The following SYNPO2 variants were observed in gnomAD, a reference collection of about 807,000 sequenced individuals.
The protein encoded by SYNPO2 is synaptopodin 2.
Under a neutral mutation model 85.0 loss-of-function variants are expected in SYNPO2, and 56 were observed. The observed-to-expected ratio is 0.66, with a 90% CI of 0.53 to 0.82. The LOEUF is 0.82. Ranked by LOEUF, SYNPO2 falls within the 40% of genes least tolerant of loss-of-function variation. The probability of loss-of-function intolerance (pLI) is 0.00; values close to 1 mark genes in which losing one functional copy is unlikely to be tolerated. For synonymous variants in SYNPO2, 602 were observed against 591.1 expected (o/e 1.02, Z -0.27); for missense variants, 1,575 against 1,534.2 (o/e 1.03, Z -0.44).
At chr4:118,986,483 G>A (rs930942292) in intron 1 of SYNPO2, among the ~76,000 whole-genome samples, 1 of 152,178 alleles carries the variant, frequency 6.6e-6, no homozygotes, top group Admixed American at 6.5e-5. Flanking sequence ...CAAATTTCAT[G>A]TGGTTTTCAA....
intron 1 of SYNPO2, among the ~76,000 whole-genome samples, chr4:118,941,616 A>G (rs1451527084): frequency 6.6e-6 from 1 of 152,168 alleles, no homozygotes; most frequent in Non-Finnish European, 1.5e-5. Context: ...ATCCTTCCTC[A>G]GGGAAGCTTT....
At chr4:118,913,603 G>C (rs2555520) in intron 1 of SYNPO2, among the ~76,000 whole-genome samples, 3 of 150,328 alleles carry the variant, frequency 2.0e-5, no homozygotes, top group Non-Finnish European at 4.4e-5. Context: ...GTGTGCAGCA[G>C]AAAAACTCAT....
chr4:118,960,157 G>A (rs909000528), intron 1 of SYNPO2, among the ~76,000 whole-genome samples: 1 of 152,086 alleles, frequency 6.6e-6, no homozygotes, highest in African/African-American at 2.4e-5. Flanking sequence ...AGAGGGATGC[G>A]GCCCTGCTGA....
intron 1 of SYNPO2, among the ~76,000 whole-genome samples, chr4:118,979,518 A>G (rs1735926719): frequency 6.6e-6 from 1 of 152,180 alleles, no homozygotes; most frequent in Non-Finnish European, 1.5e-5. Context: ...TACACATGCA[A>G]CTTTTTACTA....
At chr4:118,895,997 TCA>T (rs1186478539) in intron 1 of SYNPO2, among the ~76,000 whole-genome samples, 2 of 152,186 alleles carry the variant, frequency 1.3e-5, no homozygotes, top group Non-Finnish European at 2.9e-5. Context: ...TTTATAATTC[TCA>T]GTTTATAGAT....
At chr4:118,983,775 C>CAATCTCTCTCCT (rs1470001021) in intron 1 of SYNPO2, among the ~76,000 whole-genome samples, 2 of 3,942 alleles carry the variant, frequency 5.1e-4, no homozygotes, top group Admixed American at 1.7e-3. Flanking sequence ...ATATTTCTAA[C>CAATCTCTCTCCT]AAGCTACGTG....
At position 118,900,663 on chromosome 4, in the gene SYNPO2, T is replaced by TTCTCTCTC. The variant is rs376467151; in HGVS notation, c.105+11556_105+11563dup. Among the ~76,000 whole-genome samples the TTCTCTCTC allele has an allele frequency of 2.2e-3, 174 of 77,492 alleles. 3 individuals carry two copies. The highest frequency in any genetic ancestry group is 4.7e-3 in the Admixed American group (28 of 5,908). 50.8% of individuals were successfully genotyped at this position (77,492 alleles called of 152,430 possible). A position where few individuals can be genotyped will look rare whatever the true frequency, so the allele number is the denominator to read the frequency against. ...TTTGTAATCTTACCCTAGAATCTCT[T>TTCTCTCTC]TCTCTCTCTCTCTCTCTCTCTCTCT... On this transcript the variant is annotated intron_variant, in intron 1 of 4. Transcript: ENST00000307142.
At chr4:118,927,734 A>AGAT (rs1405702668) in intron 1 of SYNPO2, among the ~76,000 whole-genome samples, 4 of 142,864 alleles carry the variant, frequency 2.8e-5, no homozygotes, top group Non-Finnish European at 4.6e-5. Context: ...ATAGATAGAT[A>AGAT]GATAGATAGA....
chr4:118,971,982 C>T (rs7697242), intron 1 of SYNPO2, among the ~76,000 whole-genome samples: 7 of 152,124 alleles, frequency 4.6e-5, no homozygotes, highest in Non-Finnish European at 8.8e-5. Flanking sequence ...TCCCAGTGAG[C>T]GTCATAGTAC....
At chr4:118,928,730 G>T (rs1733821389) in intron 1 of SYNPO2, among the ~76,000 whole-genome samples, 1 of 152,128 alleles carries the variant, frequency 6.6e-6, no homozygotes, top group Non-Finnish European at 1.5e-5. Context: ...GAATCAAAAT[G>T]GTTAAACCTA....
At chr4:118,850,939 A>G (rs1206543401) in exon 1 of SYNPO2, 6 of 398,536 alleles carry the variant, frequency 1.5e-5, no homozygotes, top group Non-Finnish European at 2.7e-5. Context: ...ATGGTTACAC[A>G]GGTAGGAAGA....
At chr4:119,055,434 C>A (rs1160836103) in intron 4 of SYNPO2, among the ~76,000 whole-genome samples, 1 of 152,194 alleles carries the variant, frequency 6.6e-6, no homozygotes, top group Non-Finnish European at 1.5e-5. Flanking sequence ...GGATTACAGG[C>A]GTGAGCCACT....
At chr4:118,882,883 C>T (rs1732132146) in intron 1 of SYNPO2, among the ~76,000 whole-genome samples, 1 of 151,916 alleles carries the variant, frequency 6.6e-6, no homozygotes, top group African/African-American at 2.4e-5. Context: ...CATTCTCCTG[C>T]CTCAACCTCC....
At chr4:119,024,410 C>T (rs1261038961) in intron 2 of SYNPO2, among the ~76,000 whole-genome samples, 1 of 152,122 alleles carries the variant, frequency 6.6e-6, no homozygotes, top group Non-Finnish European at 1.5e-5. Context: ...TCAAGATGAA[C>T]CTCAAGGTCC....
intron 1 of SYNPO2, among the ~76,000 whole-genome samples, chr4:118,912,059 A>G (rs1733156676): frequency 6.6e-6 from 1 of 152,214 alleles, no homozygotes; most frequent in Non-Finnish European, 1.5e-5. Flanking sequence ...ACCTGCTTCT[A>G]GGTAGAGGAC....
chr4:118,945,897 C>T lies in SYNPO2; in HGVS notation c.105+56756C>T, dbSNP rs188318025. 2.0e-5 allele frequency among the ~76,000 whole-genome samples: 3 copies of T among 152,180 alleles called. No individual in the cohort carries two copies. In the East Asian group the frequency reaches 5.8e-4, roughly 29 times the overall value. On this transcript the variant is annotated intron_variant, in intron 1 of 4. Coordinates refer to ENST00000307142, the MANE Select transcript of SYNPO2 (RefSeq NM_133477.3). ...AGTAGCTAGGACTGCAGGCGCGCAC[C>T]ACCACACCTGGCTAATTTTTGTATT...
intron 1 of SYNPO2, among the ~76,000 whole-genome samples, chr4:118,904,006 G>A (rs900852209): frequency 4.6e-5 from 7 of 152,142 alleles, no homozygotes; most frequent in Admixed American, 1.3e-4. Context: ...ATGAGCCACC[G>A]TGCCCCGCCA....
At position 118,927,776 on chromosome 4, in the gene SYNPO2, T is replaced by TGATAGATGATAGATAGATA. The variant is rs1553938536; in HGVS notation, c.105+38642_105+38643insGATAGATAGATAGATAGAT. ...ATAGATAGATATATAGATAGATAGATGATAGATAGATAGATAGATAGATAG... is the reference window on the plus strand; with the variant it reads ...ATAGATAGATATATAGATAGATAGATGATAGATGATAGATAGATAGATAGATAGATAGATAGATAGATAG... On this transcript the variant is annotated intron_variant, in intron 1 of 4. Transcript: ENST00000307142. Among the ~76,000 whole-genome samples the TGATAGATGATAGATAGATA allele has an allele frequency of 2.0e-4, 21 of 102,662 alleles. No homozygotes were observed. The East Asian group carries it at 5.8e-3, about 28-fold the overall frequency. The allele number at this position is 102,662 out of a possible 152,430, so 67.4% of individuals were successfully genotyped here. A position where few individuals can be genotyped will look rare whatever the true frequency, so the allele number is the denominator to read the frequency against.
At chr4:119,037,260 C>A in intron 4 of SYNPO2, 1 of 1,460,286 alleles carries the variant, frequency 6.8e-7, no homozygotes, top group South Asian at 1.5e-5. Flanking sequence ...TCTCCTATTT[C>A]TTGGGCTCCT....
Sources: allele counts gnomAD v4.1 joint callset (sites outside exome capture counted in the v4.1 genomes callset), GRCh38; gene constraint gnomAD v4.1.1; transcripts MANE v1.5; gene names NCBI Gene and HGNC (gene_info 2026-07-23, HGNC 2026-07-21).